Variants in UVRAG observed in about 807,000 individuals in gnomAD.
UVRAG encodes the protein UV radiation resistance associated.
Under a neutral mutation model 78.0 loss-of-function variants are expected in UVRAG, and 19 were observed. The ratio of observed to expected loss-of-function variants is 0.24; its 90% CI spans 0.17 to 0.36. UVRAG has a LOEUF of 0.36. UVRAG is among the 10% of genes least tolerant of loss of function. The probability of loss-of-function intolerance (pLI) is 1.00; values close to 1 mark genes in which losing one functional copy is unlikely to be tolerated. For synonymous variants in UVRAG, 323 were observed against 324.6 expected, an observed-to-expected ratio of 1.00 and a Z score of 0.05; for missense variants, 740 against 853.8, an observed-to-expected ratio of 0.87 and a Z score of 1.66.
chr11:75,951,615 C>T (rs1285680334), intron 6 of UVRAG, among the ~76,000 whole-genome samples: 1 of 152,132 alleles, frequency 6.6e-6, no homozygotes, highest in Non-Finnish European at 1.5e-5. Flanking sequence ...CTCCCAGCCT[C>T]AGGTGATCTG....
At chr11:75,927,428 A>G (rs551539135) in intron 6 of UVRAG, among the ~76,000 whole-genome samples, 62 of 152,338 alleles carry the variant, frequency 4.1e-4, no homozygotes, top group African/African-American at 1.5e-3. Flanking sequence ...AGAGTAGAAT[A>G]TAATGATAGC....
chr11:75,828,444 TA>T (rs113226743), intron 1 of UVRAG, among the ~76,000 whole-genome samples: 20,578 of 114,934 alleles, frequency 0.18, 2,018 homozygotes, highest in African/African-American at 0.3. Flanking sequence ...CCCCCATCTC[TA>T]AAAAAAAAAA....
At chr11:76,129,949 G>A (rs371826526) in intron 14 of UVRAG, among the ~76,000 whole-genome samples, 1 of 149,464 alleles carries the variant, frequency 6.7e-6, no homozygotes, top group Non-Finnish European at 1.5e-5. Flanking sequence ...TCTCTCTCTC[G>A]CTTTCTCTCT....
intron 5 of UVRAG, among the ~76,000 whole-genome samples, chr11:75,890,891 G>T (rs1041920420): frequency 3.3e-5 from 5 of 152,088 alleles, no homozygotes; most frequent in African/African-American, 1.2e-4. Flanking sequence ...GTTTTGTGTA[G>T]AATCTCAAAG....
At chr11:75,865,671 G>A (rs190488614) in intron 3 of UVRAG, among the ~76,000 whole-genome samples, 2 of 151,790 alleles carry the variant, frequency 1.3e-5, no homozygotes, top group East Asian at 2.0e-4. Flanking sequence ...CTGGGGTGCA[G>A]TGGCACGATC....
rs182536961 is a variant in UVRAG, at chr11:76,079,223, C to T, written c.1305+13435C>T. 1.5e-3 allele frequency among the ~76,000 whole-genome samples: 231 copies of T among 152,286 alleles called. 1 individual carries two copies. Among genetic ancestry groups the T allele is most frequent in the Middle Eastern group, 0.014 (4 of 294 alleles). ...TTCTTGCAAGGTGCAGTGGCTCAAG[C>T]CTGTAATTCCAACATTTTGGGAGGC... is the stretch of plus-strand genomic sequence containing the variant. On this transcript the variant is annotated intron_variant, in intron 13 of 14. Transcript: ENST00000356136.
At chr11:75,895,973 T>A (rs895579385) in intron 5 of UVRAG, among the ~76,000 whole-genome samples, 1 of 152,204 alleles carries the variant, frequency 6.6e-6, no homozygotes, top group African/African-American at 2.4e-5. Flanking sequence ...GATTCAAAAT[T>A]TATTTTCTTT....
intron 11 of UVRAG, among the ~76,000 whole-genome samples, chr11:76,016,255 C>G (rs1304091946): frequency 6.6e-6 from 1 of 152,126 alleles, no homozygotes; most frequent in Non-Finnish European, 1.5e-5. Flanking sequence ...AAAGCATTTT[C>G]CCCCTTAACC....
intron 1 of UVRAG, among the ~76,000 whole-genome samples, chr11:75,839,425 A>G (rs73489957): frequency 0.026 from 3,949 of 152,084 alleles, 198 homozygotes; most frequent in African/African-American, 0.09. Context: ...TGCTTTATGT[A>G]CATTAAATAT....
chr11:76,116,446 G>A (rs1359410921), intron 14 of UVRAG, among the ~76,000 whole-genome samples: 1 of 152,216 alleles, frequency 6.6e-6, no homozygotes, highest in Non-Finnish European at 1.5e-5. Context: ...AGGTCAGGGG[G>A]TCAGGACTTA....
intron 8 of UVRAG, among the ~76,000 whole-genome samples, chr11:75,987,171 A>G (rs1332866271): frequency 1.3e-5 from 2 of 152,168 alleles, no homozygotes; most frequent in Non-Finnish European, 2.9e-5. Flanking sequence ...AACTTTTTGA[A>G]TGACTGCCAA....
intron 7 of UVRAG, among the ~76,000 whole-genome samples, chr11:75,981,831 A>G (rs990771453): frequency 2.0e-5 from 3 of 151,638 alleles, no homozygotes; most frequent in Non-Finnish European, 4.4e-5. Context: ...CATTGAGCCC[A>G]TTCACTGAGT....
At chr11:76,107,809 G>A (rs566793729) in intron 13 of UVRAG, among the ~76,000 whole-genome samples, 8 of 150,766 alleles carry the variant, frequency 5.3e-5, no homozygotes, top group Non-Finnish European at 1.0e-4. Context: ...TTTTTCAAGC[G>A]CATAATCTAG....
chr11:75,979,465 G>GC (rs1949340143), intron 7 of UVRAG: 1 of 152,426 alleles, frequency 6.6e-6, no homozygotes, highest in Non-Finnish European at 1.5e-5. Context: ...GCTATGCCCT[G>GC]CCCCCAGAGG....
intron 13 of UVRAG, among the ~76,000 whole-genome samples, chr11:76,077,616 A>T (rs955845396): frequency 6.6e-6 from 1 of 152,210 alleles, no homozygotes; most frequent in African/African-American, 2.4e-5. Context: ...AGAAACCCTT[A>T]AAGTGTTGGT....
chr11:75,852,266 A>G (rs1946169656), intron 2 of UVRAG, among the ~76,000 whole-genome samples: 1 of 152,228 alleles, frequency 6.6e-6, no homozygotes, highest in Non-Finnish European at 1.5e-5. Context: ...CTAGCATTTC[A>G]AGTAGATTGA....
At chr11:76,129,995 G>T (rs1052199707) in intron 14 of UVRAG, among the ~76,000 whole-genome samples, 1 of 151,978 alleles carries the variant, frequency 6.6e-6, no homozygotes, top group Non-Finnish European at 1.5e-5. Flanking sequence ...AACATGGCTT[G>T]TGGCTTCTGC....
intron 13 of UVRAG, among the ~76,000 whole-genome samples, chr11:76,089,573 G>C (rs1329298714): frequency 1.3e-5 from 2 of 152,160 alleles, no homozygotes; most frequent in Non-Finnish European, 2.9e-5. Flanking sequence ...CTCAACCCTA[G>C]AGTTCTGGCC....
At chr11:75,869,551 T>G (rs183532968) in intron 3 of UVRAG, among the ~76,000 whole-genome samples, 13 of 152,312 alleles carry the variant, frequency 8.5e-5, no homozygotes, top group African/African-American at 3.1e-4. Flanking sequence ...TCTGTTTAAC[T>G]ACATGATTTG....
Sources: allele counts gnomAD v4.1 joint callset (sites outside exome capture counted in the v4.1 genomes callset), GRCh38; gene constraint gnomAD v4.1.1; transcripts MANE v1.5; gene names NCBI Gene and HGNC (gene_info 2026-07-23, HGNC 2026-07-21).